Variants in TAFA5 observed in about 807,000 individuals in gnomAD.
The protein encoded by TAFA5 is chemokine-like protein TAFA-5.
In TAFA5, 6 loss-of-function variants were observed where a neutral mutation model predicts 15.3. The observed-to-expected ratio is 0.39, with a 90% CI of 0.21 to 0.77. The LOEUF (loss-of-function observed/expected upper bound fraction) is 0.77. TAFA5 is among the 30% of genes least tolerant of loss of function. The pLI is 0.41. For missense variants in TAFA5, 161 were observed against 193.1 expected (o/e 0.83, Z 0.98); for synonymous variants, 103 against 80.7 (o/e 1.28, Z -1.48).
chr22:48,661,644 G>T lies in TAFA5; in HGVS notation c.262+14898G>T, dbSNP rs150899586. On this transcript the variant is annotated intron_variant, in intron 2 of 3. Transcript: ENST00000402357. ...AGAGAGGGGGCAGCGTATGGCAGTG[G>T]GTGCCAGATTTGGAGGAGATGCCGG... Among the ~76,000 whole-genome samples the T allele has an allele frequency of 9.9e-5, 15 of 152,268 alleles. No individual in the cohort carries two copies. In the East Asian group the frequency reaches 2.9e-3, roughly 29 times the overall value.
At chr22:48,544,734 T>A (rs1254824418) in intron 1 of TAFA5, 1 of 471,260 alleles carries the variant, frequency 2.1e-6, no homozygotes, top group Non-Finnish European at 4.4e-6. Flanking sequence ...CAGTCCCCAC[T>A]CCGGGCTGCG....
chr22:48,649,847 C>T (rs932260835), intron 2 of TAFA5, among the ~76,000 whole-genome samples: 1 of 152,190 alleles, frequency 6.6e-6, no homozygotes, highest in African/African-American at 2.4e-5. Flanking sequence ...TTCCGCCCGC[C>T]TATCGGCAGA....
rs1930492950 is a variant in TAFA5 at position 48,751,475 on chromosome 22, T to C, written c.*1628T>C. The C allele has an allele frequency of 6.6e-6, 1 of 152,418 alleles. No individual in the cohort carries two copies. The highest frequency in any genetic ancestry group is 2.1e-4 in the South Asian group (1 of 4,820). The allele number at this position is 152,418 out of a possible 1,614,324, so 9.4% of individuals were successfully genotyped here. A position where few individuals can be genotyped will look rare whatever the true frequency, so the allele number is the denominator to read the frequency against. ...CCAATTAACATGAGTATTATGCTAGTTCTATCCTACTAAAAAAAACGTAAA... is the reference window on the plus strand; with the variant it reads ...CCAATTAACATGAGTATTATGCTAGCTCTATCCTACTAAAAAAAACGTAAA... On this transcript the variant is annotated 3_prime_UTR_variant, in exon 4 of 4. Transcript: ENST00000402357.
In TAFA5 at chr22:48,526,665, T is replaced by C. The variant is rs1360203101; in HGVS notation, c.112+36961T>C. ...GACAATGTCCCTGAGTGCATTTGCA[T>C]GTCGATCACGCTGCCATTATGTATC... On this transcript the variant is annotated intron_variant, in intron 1 of 3. Coordinates refer to ENST00000402357, the MANE Select transcript of TAFA5 (RefSeq NM_001082967.3). 2.0e-5 allele frequency among the ~76,000 whole-genome samples: 3 copies of C among 152,232 alleles called. No individual in the cohort carries two copies. The East Asian group carries it at 5.8e-4, about 29-fold the overall frequency.
intron 2 of TAFA5, among the ~76,000 whole-genome samples, chr22:48,680,348 G>A (rs1928142070): frequency 6.6e-6 from 1 of 152,234 alleles, no homozygotes; most frequent in Non-Finnish European, 1.5e-5. Context: ...ATCTCGAGGA[G>A]ACTTTAGTGC....
intron 1 of TAFA5, among the ~76,000 whole-genome samples, chr22:48,564,958 A>C (rs1032937694): frequency 6.6e-6 from 1 of 152,246 alleles, no homozygotes; most frequent in Non-Finnish European, 1.5e-5. Context: ...GTAAGCTGGC[A>C]TCTCCATCCA....
rs116701809 is a variant in TAFA5 at position 48,623,197 on chromosome 22, G to T, written c.113-23400G>T. 9.5e-3 allele frequency among the ~76,000 whole-genome samples: 1,439 copies of T among 152,248 alleles called. 27 individuals carry two copies. Among genetic ancestry groups the T allele is most frequent in the African/African-American group, 0.033 (1,383 of 41,480 alleles). On this transcript the variant is annotated intron_variant, in intron 1 of 3. Transcript: ENST00000402357. ...GATGAGCATGGTTTCGCCAGCAGCC[G>T]CAGCCTGTTGCGTGGCCCTGCGCGG...
intron 2 of TAFA5, among the ~76,000 whole-genome samples, chr22:48,707,230 C>T (rs1048757489): frequency 6.6e-6 from 1 of 152,104 alleles, no homozygotes; most frequent in African/African-American, 2.4e-5. Context: ...GATGGGAAAT[C>T]GACTCCCCAT....
chr22:48,671,344 C>T (rs1460477646), intron 2 of TAFA5, among the ~76,000 whole-genome samples: 1 of 152,218 alleles, frequency 6.6e-6, no homozygotes, highest in Non-Finnish European at 1.5e-5. Flanking sequence ...TTTCACCTGT[C>T]TTTCTCTGCT....
chr22:48,495,230 G>T (rs541067482), intron 1 of TAFA5, among the ~76,000 whole-genome samples: 1 of 152,312 alleles, frequency 6.6e-6, no homozygotes, highest in African/African-American at 2.4e-5. Flanking sequence ...GCAGGCTTGC[G>T]GGTGAAGCTG....
intron 3 of TAFA5, among the ~76,000 whole-genome samples, chr22:48,732,477 C>T (rs59203988): frequency 1.3e-5 from 2 of 152,072 alleles, no homozygotes; most frequent in Non-Finnish European, 2.9e-5. Context: ...AGGATGGTCT[C>T]GATCTCCTAA....
At chr22:48,571,110 C>T (rs897557814) in intron 1 of TAFA5, among the ~76,000 whole-genome samples, 34 of 152,230 alleles carry the variant, frequency 2.2e-4, no homozygotes, top group South Asian at 6.2e-4. Flanking sequence ...TGGTATGCAT[C>T]GTTGACTGTT....
chr22:48,579,294 G>C (rs1923942921), intron 1 of TAFA5, among the ~76,000 whole-genome samples: 1 of 152,228 alleles, frequency 6.6e-6, no homozygotes, highest in Middle Eastern at 3.2e-3. Flanking sequence ...CACAGGCCCA[G>C]GAAGAAAGCA....
chr22:48,507,813 G>A (rs181528530), intron 1 of TAFA5, among the ~76,000 whole-genome samples: 2 of 152,150 alleles, frequency 1.3e-5, no homozygotes, highest in African/African-American at 2.4e-5. Context: ...GATGGACAGC[G>A]CCCCCTCCCC....
intron 3 of TAFA5, among the ~76,000 whole-genome samples, chr22:48,736,584 C>T (rs1930035102): frequency 6.6e-6 from 1 of 152,234 alleles, no homozygotes; most frequent in African/African-American, 2.4e-5. Context: ...TGGAAAGAGC[C>T]CAAGTGTCCG....
chr22:48,710,509 C>A (rs1569089551), intron 3 of TAFA5, among the ~76,000 whole-genome samples: 2 of 152,294 alleles, frequency 1.3e-5, no homozygotes, highest in Non-Finnish European at 2.9e-5. Context: ...CAGGGCCACC[C>A]AACCAGCCTC....
chr22:48,562,593 A>T (rs1296518257), intron 1 of TAFA5, among the ~76,000 whole-genome samples: 2 of 151,836 alleles, frequency 1.3e-5, no homozygotes, highest in African/African-American at 2.4e-5. Flanking sequence ...GGAGGGGGGG[A>T]ATTTAGCTCC....
At chr22:48,677,089 T>C (rs1002439010) in intron 2 of TAFA5, among the ~76,000 whole-genome samples, 1 of 152,246 alleles carries the variant, frequency 6.6e-6, no homozygotes, top group African/African-American at 2.4e-5. Flanking sequence ...TAAATCTGTA[T>C]TAAGACACAA....
At chr22:48,554,356 G>T (rs943593992) in intron 1 of TAFA5, among the ~76,000 whole-genome samples, 1 of 152,182 alleles carries the variant, frequency 6.6e-6, no homozygotes, top group Non-Finnish European at 1.5e-5. Flanking sequence ...TTCTCTTTCT[G>T]TAAGGGTTTT....
Sources: gnomAD v4.1 joint callset for allele counts (sites outside exome capture counted in the v4.1 genomes callset) on GRCh38, gnomAD v4.1.1 for gene constraint, MANE v1.5 for transcripts, NCBI Gene and HGNC (gene_info 2026-07-23, HGNC 2026-07-21) for gene names.